The following ASCC1 variants were observed in gnomAD, a reference collection of about 807,000 sequenced individuals.
The protein encoded by ASCC1 is ASC-1 complex subunit P50.
In ASCC1, 35 loss-of-function variants were observed where a neutral mutation model predicts 46.6. The ratio of observed to expected loss-of-function variants is 0.75; its 90% CI spans 0.57 to 0.99. ASCC1 has a LOEUF of 0.99. Among genes scored for constraint, ASCC1 ranks in the 50% least tolerant of loss-of-function variants. The pLI, the probability that ASCC1 is intolerant of heterozygous loss-of-function variation, is 0.00. For synonymous variants in ASCC1, 143 were observed against 146.6 expected (o/e 0.98, Z 0.18); for missense variants, 376 against 428.7 (o/e 0.88, Z 1.09).
chr10:72,118,227 G>A (rs1343894112), intron 9 of ASCC1, among the ~76,000 whole-genome samples: 1 of 151,780 alleles, frequency 6.6e-6, no homozygotes, highest in Non-Finnish European at 1.5e-5. Context: ...ACTAGTCGGG[G>A]GTGGTGGCAC....
At chr10:72,178,388 A>T (rs949114352) in intron 5 of ASCC1, among the ~76,000 whole-genome samples, 1 of 152,180 alleles carries the variant, frequency 6.6e-6, no homozygotes, top group African/African-American at 2.4e-5. Flanking sequence ...AGATTATCCC[A>T]ATGAGACTAA....
intron 7 of ASCC1, among the ~76,000 whole-genome samples, chr10:72,152,576 G>A (rs948630398): frequency 2.0e-5 from 3 of 152,124 alleles, no homozygotes; most frequent in African/African-American, 7.2e-5. Context: ...CGCGCCTATA[G>A]TCCCAGCTAC....
At chr10:72,162,502 T>C (rs1291208490) in intron 5 of ASCC1, among the ~76,000 whole-genome samples, 1 of 151,622 alleles carries the variant, frequency 6.6e-6, no homozygotes, top group Non-Finnish European at 1.5e-5. Context: ...GACTGGGTCT[T>C]GCTGTCACCC....
At chr10:72,155,446 G>T (rs896798042) in intron 6 of ASCC1, among the ~76,000 whole-genome samples, 1 of 152,096 alleles carries the variant, frequency 6.6e-6, no homozygotes, top group African/African-American at 2.4e-5. Flanking sequence ...ACCCTCATGG[G>T]GTGATGGCAA....
intron 5 of ASCC1, among the ~76,000 whole-genome samples, chr10:72,178,208 A>T (rs1852102516): frequency 6.6e-6 from 1 of 152,226 alleles, no homozygotes; most frequent in Non-Finnish European, 1.5e-5. Flanking sequence ...TGACCTTCAC[A>T]ACAACGTTTA....
chr10:72,213,272 T>C lies in ASCC1; in HGVS notation c.27A>G (p.Ile9Met). Residue 9 changes from isoleucine to methionine, a missense_variant, in exon 2 of 10, where the codon ATA (isoleucine) becomes ATG (methionine). Physicochemically the swap from Ile to Met is conservative, Grantham distance 10. Coordinates refer to ENST00000672957, the MANE Select transcript of ASCC1 (RefSeq NM_001198800.3). MEVLRPQL[I>M]RIDGRNYRKN... ...TCCTGTAATTCCGGCCATCAATTCT[T>C]ATAAGCTGTGGACGCAGAACTTCCA... 1 of 1,613,884 alleles carries C rather than the reference T, an allele frequency of 6.2e-7. No individual in the cohort carries two copies. The highest frequency in any genetic ancestry group is 8.5e-7 in the Non-Finnish European group (1 of 1,179,828).
chr10:72,118,905 G>T (rs1843834802), intron 9 of ASCC1, among the ~76,000 whole-genome samples: 1 of 152,050 alleles, frequency 6.6e-6, no homozygotes, highest in African/African-American at 2.4e-5. Context: ...TAGCATTAAG[G>T]ACTTCGGAAG....
At position 72,096,368 on chromosome 10, in the gene ASCC1, G is replaced by C. The variant is rs1435280674; in HGVS notation, c.*966C>G. ...CCTGCTGATATCATCAGTTTCTTTT[G>C]CTGCTGCCTTGAAAAGTAAACAAAA... is the stretch of plus-strand genomic sequence containing the variant. On this transcript the variant is annotated 3_prime_UTR_variant, in exon 10 of 10. Coordinates refer to ENST00000672957, the MANE Select transcript of ASCC1 (RefSeq NM_001198800.3). 2 of 453,896 alleles carry C rather than the reference G, an allele frequency of 4.4e-6. No individual in the cohort carries two copies. Among genetic ancestry groups the C allele is most frequent in the African/African-American group, 4.0e-5 (2 of 49,964 alleles). 28.1% of individuals were successfully genotyped at this position (453,896 alleles called of 1,614,324 possible).
intron 9 of ASCC1, among the ~76,000 whole-genome samples, chr10:72,100,716 T>TC (rs1411472310): frequency 5.3e-5 from 8 of 152,028 alleles, no homozygotes; most frequent in Non-Finnish European, 1.2e-4. Context: ...TCTTAAGTCT[T>TC]TTAGTTCTAT....
At chr10:72,132,763 C>T (rs188420196) in intron 8 of ASCC1, among the ~76,000 whole-genome samples, 11 of 149,244 alleles carry the variant, frequency 7.4e-5, no homozygotes, top group South Asian at 6.4e-4. Flanking sequence ...GTATTGCATG[C>T]GACATACTTA....
chr10:72,181,259 C>T lies in ASCC1; in HGVS notation c.489+15552G>A, dbSNP rs541566818. Among the ~76,000 whole-genome samples, 7 of 152,120 alleles carry T rather than the reference C, an allele frequency of 4.6e-5. No individual in the cohort carries two copies. In the East Asian group the frequency reaches 5.8e-4, roughly 13 times the overall value. Reference sequence around the variant, plus strand: ...GATTACAGGTGTGAGCCACCGCGCCCGGCCTATTTGCCTCTCATCTTACAA... The same window carrying T: ...GATTACAGGTGTGAGCCACCGCGCCTGGCCTATTTGCCTCTCATCTTACAA... On this transcript the variant is annotated intron_variant, in intron 5 of 9. Transcript: ENST00000672957.
chr10:72,104,260 G>C lies in ASCC1; in HGVS notation c.958-6810C>G, dbSNP rs557784629. ...AACGCTGACCCAGACAACTCCCAAA[G>C]ACTGAAATGAACATGTTCTTTCACT... On this transcript the variant is annotated intron_variant, in intron 9 of 9. Transcript: ENST00000672957. Among the ~76,000 whole-genome samples, 57 of 152,230 alleles carry C rather than the reference G, an allele frequency of 3.7e-4. No individual in the cohort carries two copies. In the South Asian group the frequency reaches 1.0e-2, roughly 27 times the overall value.
chr10:72,110,483 A>G (rs1047934261), intron 9 of ASCC1, among the ~76,000 whole-genome samples: 2 of 152,228 alleles, frequency 1.3e-5, no homozygotes, highest in Non-Finnish European at 2.9e-5. Flanking sequence ...ACAAGGCAGC[A>G]TCCAGAAGTT....
intron 9 of ASCC1, among the ~76,000 whole-genome samples, chr10:72,098,260 T>C (rs1589139375): frequency 2.0e-5 from 3 of 152,236 alleles, no homozygotes; most frequent in African/African-American, 4.8e-5. Flanking sequence ...AATGCAGCCA[T>C]AGTGCCTGAA....
chr10:72,096,373 T>G lies in ASCC1; in HGVS notation c.*961A>C, dbSNP rs2131839992. On this transcript the variant is annotated 3_prime_UTR_variant, in exon 10 of 10. Coordinates refer to ENST00000672957, the MANE Select transcript of ASCC1 (RefSeq NM_001198800.3). ...TGATATCATCAGTTTCTTTTGCTGC[T>G]GCCTTGAAAAGTAAACAAAAAAGGG... 2.2e-6 allele frequency: 1 copy of G among 454,042 alleles called. No homozygotes were observed. The highest frequency in any genetic ancestry group is 1.6e-5 in the South Asian group (1 of 64,476). The allele number at this position is 454,042 out of a possible 1,614,324, so 28.1% of individuals were successfully genotyped here. A position where few individuals can be genotyped will look rare whatever the true frequency, so the allele number is the denominator to read the frequency against.
At chr10:72,127,429 G>A (rs1844997421) in intron 9 of ASCC1, among the ~76,000 whole-genome samples, 1 of 152,128 alleles carries the variant, frequency 6.6e-6, no homozygotes, top group South Asian at 2.1e-4. Flanking sequence ...AGCTTCAATG[G>A]TCAAAAATGG....
At chr10:72,195,344 C>T (rs1855246540) in intron 5 of ASCC1, among the ~76,000 whole-genome samples, 1 of 151,296 alleles carries the variant, frequency 6.6e-6, no homozygotes, top group East Asian at 1.9e-4. Context: ...CAGGGTTTTG[C>T]TGCTATGTTA....
chr10:72,153,661 C>T (rs906565862), intron 6 of ASCC1, among the ~76,000 whole-genome samples: 1 of 151,900 alleles, frequency 6.6e-6, no homozygotes, highest in Non-Finnish European at 1.5e-5. Context: ...CTCCTGACCT[C>T]GTGATCTGCC....
At chr10:72,212,504 T>C (rs969237329) in intron 2 of ASCC1, among the ~76,000 whole-genome samples, 1 of 152,116 alleles carries the variant, frequency 6.6e-6, no homozygotes, top group Non-Finnish European at 1.5e-5. Flanking sequence ...GGTAACATTA[T>C]TGGGCAATGG....
Sources: allele counts gnomAD v4.1 joint callset (sites outside exome capture counted in the v4.1 genomes callset), GRCh38; gene constraint gnomAD v4.1.1; transcripts MANE v1.5; gene names NCBI Gene and HGNC (gene_info 2026-07-23, HGNC 2026-07-21).